DMXL1: variants seen among roughly 807,000 people sequenced by gnomAD.
DMXL1 encodes Dmx like 1, also known as dmX-like protein 1.
Under a neutral mutation model 319.2 loss-of-function variants are expected in DMXL1, and 99 were observed. That is an observed-to-expected ratio of 0.31 (90% confidence interval 0.26 to 0.37). The LOEUF is 0.37. Among genes scored for constraint, DMXL1 ranks in the 10% least tolerant of loss-of-function variants. The pLI, the probability that DMXL1 is intolerant of heterozygous loss-of-function variation, is 1.00. For missense variants in DMXL1, 3,745 were observed against 3,595.6 expected (o/e 1.04, Z -1.06); for synonymous variants, 1,385 against 1,235.2 (o/e 1.12, Z -2.54).
chr5:119,079,762 TTTC>T (rs1315613542), intron 1 of DMXL1, among the ~76,000 whole-genome samples: 1 of 152,234 alleles, frequency 6.6e-6, no homozygotes, highest in East Asian at 1.9e-4. Context: ...TGTACCTTGC[TTTC>T]TCTTTGGCAT....
chr5:119,165,161 G>T (rs922954324), intron 20 of DMXL1, 22 bp from the exon 21 acceptor site: 2 of 1,416,434 alleles, frequency 1.4e-6, no homozygotes, highest in South Asian at 1.2e-5. Context: ...GTGAAATTTT[G>T]ATCAATATTT....
intron 25 of DMXL1, among the ~76,000 whole-genome samples, chr5:119,173,192 T>C (rs1258510782): frequency 6.6e-6 from 1 of 151,820 alleles, no homozygotes; most frequent in Non-Finnish European, 1.5e-5. Context: ...TACAAAAAAT[T>C]AGCCAGGCGT....
chr5:119,179,450 T>C (rs1012285237), intron 28 of DMXL1, among the ~76,000 whole-genome samples: 1 of 152,186 alleles, frequency 6.6e-6, no homozygotes, highest in Non-Finnish European at 1.5e-5. Context: ...GGCTTGGATA[T>C]ATATGTTTTG....
intron 28 of DMXL1, 86 bp downstream of exon 28, chr5:119,178,330 A>G (rs934545390): frequency 1.4e-6 from 2 of 1,440,396 alleles, no homozygotes; most frequent in African/African-American, 1.4e-5. Context: ...TAATTTAGTT[A>G]TAGAAAGTTC....
At chr5:119,105,108 A>G in intron 3 of DMXL1, 72 bp from the exon 4 acceptor site, 2 of 957,630 alleles carry the variant, frequency 2.1e-6, no homozygotes, top group East Asian at 2.4e-5. Flanking sequence ...AAGAATAACA[A>G]GCATAAACGT....
chr5:119,097,222 T>C (rs955057751), intron 1 of DMXL1, among the ~76,000 whole-genome samples: 3 of 152,112 alleles, frequency 2.0e-5, no homozygotes, highest in African/African-American at 7.2e-5. Flanking sequence ...CATGGTAAGG[T>C]GTTGAGATTT....
At chr5:119,098,331 A>T (rs1756450798) in intron 2 of DMXL1, among the ~76,000 whole-genome samples, 1 of 152,202 alleles carries the variant, frequency 6.6e-6, no homozygotes, top group Non-Finnish European at 1.5e-5. Flanking sequence ...GAAATACAAT[A>T]CTTACTGATA....
intron 38 of DMXL1, among the ~76,000 whole-genome samples, chr5:119,231,357 T>A (rs906180058): frequency 1.3e-5 from 2 of 152,216 alleles, no homozygotes; most frequent in Non-Finnish European, 2.9e-5. Flanking sequence ...TCCAAAATCT[T>A]ATCTACCTGA....
At chr5:119,098,302 C>T (rs897296638) in intron 2 of DMXL1, among the ~76,000 whole-genome samples, 198 bp downstream of exon 2, 2 of 152,150 alleles carry the variant, frequency 1.3e-5, no homozygotes, top group Admixed American at 1.3e-4. Flanking sequence ...TAAATTATAG[C>T]ATCATCTTCT....
chr5:119,122,316 AC>A (rs1176481429), intron 9 of DMXL1, among the ~76,000 whole-genome samples: 3 of 113,108 alleles, frequency 2.7e-5, no homozygotes, highest in East Asian at 2.6e-4. Context: ...CGGGGGGCTG[AC>A]CCCCCCACCT....
At chr5:119,177,247 A>T in intron 26 of DMXL1, 110 bp from the exon 27 acceptor site, 1 of 631,786 alleles carries the variant, frequency 1.6e-6, no homozygotes, top group Non-Finnish European at 2.6e-6. Flanking sequence ...ACTTAGATGT[A>T]CTAGCAGTAT....
At chr5:119,246,943 T>C in intron 43 of DMXL1, 52 bp from the exon 44 acceptor site, 1 of 1,402,926 alleles carries the variant, frequency 7.1e-7, no homozygotes, top group South Asian at 1.3e-5. Context: ...TCATTTGATT[T>C]CTTAAGGTCA....
intron 15 of DMXL1, 54 bp downstream of exon 15, chr5:119,144,692 G>T: frequency 8.9e-7 from 1 of 1,124,698 alleles, no homozygotes; most frequent in Non-Finnish European, 1.2e-6. Flanking sequence ...ATGTTAGGCA[G>T]TTAATAAAGA....
intron 38 of DMXL1, among the ~76,000 whole-genome samples, chr5:119,228,137 T>A (rs939528683): frequency 1.3e-5 from 2 of 152,210 alleles, no homozygotes; most frequent in Non-Finnish European, 2.9e-5. Flanking sequence ...TGGTTAGCAG[T>A]TTAATGAATT....
Position 119,197,845 on chromosome 5 carries a change from G to A in DMXL1, c.7634G>A (p.Gly2545Asp). The change falls in exon 32 of 44, where the codon GGT becomes GAT. Residue 2545 changes from glycine to aspartate, a missense_variant. Around this residue, in one of 4 missense-constraint regions of DMXL1, gnomAD observed 1,382 missense variants for 1,269.5 expected, o/e 1.09. Transcript: ENST00000539542. ...QVLLRRLEIH[G>D]GPPQNYIASH... Reference sequence around the variant, plus strand: ...CTTCTCCGACGACTTGAAATCCATGGTGGGCCACCTCAAAATTATATCGCA... The same window carrying A: ...CTTCTCCGACGACTTGAAATCCATGATGGGCCACCTCAAAATTATATCGCA... 1 of 1,614,114 alleles carries A rather than the reference G, an allele frequency of 6.2e-7. No homozygotes were observed. The highest frequency in any genetic ancestry group is 8.5e-7 in the Non-Finnish European group (1 of 1,180,012).
rs545258943 is a variant in DMXL1 at position 119,228,392 on chromosome 5, T to C, written c.8338+3623T>C. On this transcript the variant is annotated intron_variant, in intron 38 of 43. Transcript: ENST00000539542. ...ATCAATTCATTATCATAATGCACAATTGACAAGTAAATTTGATTGCTTCTG... is the reference window on the plus strand; with the variant it reads ...ATCAATTCATTATCATAATGCACAACTGACAAGTAAATTTGATTGCTTCTG... Among the ~76,000 whole-genome samples the C allele has an allele frequency of 2.6e-5, 4 of 152,300 alleles. No individual in the cohort carries two copies. The South Asian group carries it at 8.3e-4, about 32-fold the overall frequency.
chr5:119,239,058 G>A lies in DMXL1; in HGVS notation c.8629G>A (p.Ala2877Thr). 6.2e-7 allele frequency: 1 copy of A among 1,613,806 alleles called. No individual in the cohort carries two copies. Among genetic ancestry groups the A allele is most frequent in the East Asian group, 2.2e-5 (1 of 44,836 alleles). ...TAGTTCCTCCTCTCTGATAGCTACA[G>A]CTGGTCTTTCAACTGACAATAGGTA... ...FVSSSSLIATAGLSTDNRNVC... is the reference protein window; with the variant it reads ...FVSSSSLIATTGLSTDNRNVC... Residue 2877 changes from alanine to threonine, a missense_variant, in exon 41 of 44, where the codon GCT becomes ACT. Physicochemically the swap from Ala to Thr is moderately conservative, Grantham distance 58. Coordinates refer to ENST00000539542, the MANE Select transcript of DMXL1 (RefSeq NM_001290321.3).
intron 1 of DMXL1, among the ~76,000 whole-genome samples, chr5:119,097,151 G>GA (rs1756151939): frequency 6.6e-6 from 1 of 152,196 alleles, no homozygotes; most frequent in East Asian, 1.9e-4. Flanking sequence ...AGAGCCAGCT[G>GA]AGAGAAGGAA....
In DMXL1 at chr5:119,206,864, AAT is replaced by A. The variant is rs1781837572; in HGVS notation, c.7895_7896del (p.Asn2632IlefsTer10). The A allele has an allele frequency of 1.3e-6, 2 of 1,529,780 alleles. No homozygotes were observed. The highest frequency in any genetic ancestry group is 4.9e-5 in the East Asian group (2 of 40,586). 94.8% of individuals were successfully genotyped at this position (1,529,780 alleles called of 1,614,324 possible). ...AGAGGACAACAGTGAAACCATCAAA[AAT>A]TCTATGATGGAGGAGCCAAACATCA... is the stretch of plus-strand genomic sequence containing the variant. ...SLEDNSETIK[N>X]SMMEEPNINK... On this transcript the variant is annotated frameshift_variant, in exon 34 of 44. Coordinates refer to ENST00000539542, the MANE Select transcript of DMXL1 (RefSeq NM_001290321.3). LOFTEE classifies it high-confidence loss of function.
Sources: allele counts gnomAD v4.1 joint callset (sites outside exome capture counted in the v4.1 genomes callset), GRCh38; gene constraint gnomAD v4.1.1; regional missense constraint gnomAD v4.1.1; transcripts MANE v1.5; gene names NCBI Gene and HGNC (gene_info 2026-07-23, HGNC 2026-07-21).